Variants in ACSL1 observed in about 807,000 individuals in gnomAD.
ACSL1 encodes the protein long-chain-fatty-acid--CoA ligase 1.
ACSL1 carries 41 observed loss-of-function variants against 98.4 expected under a neutral mutation model. The ratio of observed to expected loss-of-function variants is 0.42; its 90% CI spans 0.32 to 0.54. The LOEUF is 0.54. Ranked by LOEUF, ACSL1 falls within the 20% of genes least tolerant of loss-of-function variation. The pLI is 0.13. For synonymous variants in ACSL1, 316 were observed against 322.7 expected (o/e 0.98, Z 0.22); for missense variants, 734 against 883.1 (o/e 0.83, Z 2.14).
At chr4:184,820,990 A>C in intron 1 of ACSL1, 1 of 455,988 alleles carries the variant, frequency 2.2e-6, no homozygotes, top group South Asian at 1.5e-5. Flanking sequence ...CCTAGGTTCA[A>C]ATTCTGGTAT....
Position 184,757,576 on chromosome 4 carries a change from A to T in ACSL1, c.1956+59T>A. The T allele has an allele frequency of 7.9e-6, 12 of 1,521,298 alleles. No homozygotes were observed. Among genetic ancestry groups the T allele is most frequent in the Non-Finnish European group, 1.1e-5 (12 of 1,111,850 alleles). 94.2% of individuals were successfully genotyped at this position (1,521,298 alleles called of 1,614,324 possible). A position where few individuals can be genotyped will look rare whatever the true frequency, so the allele number is the denominator to read the frequency against. ...ATATGTTTATATAATCTACCTGTAAAAAAATCTTAATGGAAAATTTGTTTT... is the reference window on the plus strand; with the variant it reads ...ATATGTTTATATAATCTACCTGTAATAAAATCTTAATGGAAAATTTGTTTT... On this transcript the variant is annotated intron_variant, in intron 20 of 20. Transcript: ENST00000281455. The surrounding 1 kb of genome is among the most constrained non-coding windows in gnomAD (Gnocchi z 4.5).
intron 4 of ACSL1, 87 bp from the exon 5 acceptor site, chr4:184,780,520 C>T: frequency 1.1e-6 from 1 of 924,928 alleles, no homozygotes; most frequent in Non-Finnish European, 1.7e-6. Context: ...GTATCTCAGC[C>T]AGCAAGCAAT....
rs537133145 is a variant in ACSL1, at chr4:184,770,595, T to C, written c.916-119A>G. 7 of 557,322 alleles carry C rather than the reference T, an allele frequency of 1.3e-5. No individual in the cohort carries two copies. The East Asian group carries it at 2.6e-4, about 21-fold the overall frequency. 34.5% of individuals were successfully genotyped at this position (557,322 alleles called of 1,614,324 possible). A position where few individuals can be genotyped will look rare whatever the true frequency, so the allele number is the denominator to read the frequency against. Reference sequence around the variant, plus strand: ...GGGGGAGGGATAGCATTAGGAGATATACCTAATGCTAAATGACAAGTTTAT... The same window carrying C: ...GGGGGAGGGATAGCATTAGGAGATACACCTAATGCTAAATGACAAGTTTAT... On this transcript the variant is annotated intron_variant, in intron 10 of 20. Coordinates refer to ENST00000281455, the MANE Select transcript of ACSL1 (RefSeq NM_001995.5).
rs1193308869 is a variant in ACSL1, at chr4:184,801,387, C to T, written c.195+1933G>A. Among the ~76,000 whole-genome samples, 6 of 152,246 alleles carry T rather than the reference C, an allele frequency of 3.9e-5. No individual in the cohort carries two copies. The South Asian group carries it at 8.3e-4, about 21-fold the overall frequency. On this transcript the variant is annotated intron_variant, in intron 2 of 20. Coordinates refer to ENST00000281455, the MANE Select transcript of ACSL1 (RefSeq NM_001995.5). ...TGGGGGTGCAGAATGAGGGTGGGAA[C>T]TGGCAAACCCTGCTTACTTGTTTTC...
chr4:184,782,230 G>A lies in ACSL1; in HGVS notation c.375+1697C>T, dbSNP rs116294233. Among the ~76,000 whole-genome samples the A allele has an allele frequency of 4.0e-3, 581 of 143,974 alleles. 3 individuals carry two copies. The highest frequency in any genetic ancestry group is 6.6e-3 in the Non-Finnish European group (444 of 67,038). The allele number at this position is 143,974 out of a possible 152,430, so 94.5% of individuals were successfully genotyped here. A position where few individuals can be genotyped will look rare whatever the true frequency, so the allele number is the denominator to read the frequency against. ...TGGTAAATATGATTGAATAATACAC[G>A]CACATTTATATTTCTAGATCGGTCA... On this transcript the variant is annotated intron_variant, in intron 4 of 20. Transcript: ENST00000281455.
chr4:184,798,192 A>C (rs1769793614), intron 2 of ACSL1: 1 of 152,222 alleles, frequency 6.6e-6, no homozygotes, highest in Admixed American at 6.5e-5. Flanking sequence ...CTAAACAGTG[A>C]ATCTGTGATA....
intron 5 of ACSL1, 116 bp from the exon 6 acceptor site, chr4:184,777,099 T>C: frequency 1.1e-6 from 1 of 885,926 alleles, no homozygotes; most frequent in Non-Finnish European, 1.8e-6. Flanking sequence ...AAAATTAACA[T>C]CTGTGTTAGC....
Position 184,781,554 on chromosome 4 carries a change from A to T in ACSL1, c.376-1121T>A, listed in dbSNP as rs1032690355. The stretch of plus-strand genomic sequence containing the variant: ...CTACCCCAAATAAACTAAAATTTTT[A>T]AAAAATCTTAAACTTTGCAGTTATT... On this transcript the variant is annotated intron_variant, in intron 4 of 20. Transcript: ENST00000281455. 6.6e-5 allele frequency among the ~76,000 whole-genome samples: 10 copies of T among 152,288 alleles called. No individual in the cohort carries two copies. In the East Asian group the frequency reaches 7.7e-4, roughly 12 times the overall value.
At chr4:184,795,567 T>G (rs537043723) in intron 2 of ACSL1, among the ~76,000 whole-genome samples, 1 of 152,344 alleles carries the variant, frequency 6.6e-6, no homozygotes, top group Admixed American at 6.5e-5. Context: ...AGGCACTTAA[T>G]ACTCCTGTGG....
rs1319018632 is a variant in ACSL1, at chr4:184,788,670, T to C, written c.257A>G (p.Tyr86Cys). Reference protein sequence around the residue: ...LDSDEPLVYFYDDVTTLYEGF... With the variant: ...LDSDEPLVYFCDDVTTLYEGF... ...TTCGTATAATGTTGTGACATCATCA[T>C]AGAAATACACCAAGGGCTCGTCGCT... The change falls in exon 3 of 21, where the codon TAT (tyrosine) becomes TGT (cysteine). Residue 86 changes from tyrosine to cysteine, a missense_variant. Coordinates refer to ENST00000281455, the MANE Select transcript of ACSL1 (RefSeq NM_001995.5). The C allele has an allele frequency of 1.9e-6, 3 of 1,614,166 alleles. No individual in the cohort carries two copies. Among genetic ancestry groups the C allele is most frequent in the South Asian group, 2.2e-5 (2 of 91,082 alleles).
Position 184,776,570 on chromosome 4 carries a change from T to G in ACSL1, c.670A>C (p.Ile224Leu), listed in dbSNP as rs1561195806. The change falls in exon 7 of 21, where the codon ATA becomes CTA. Residue 224 changes from isoleucine (I) to leucine (L), a missense_variant. By Grantham distance (5) the Ile-to-Leu change is conservative. Coordinates refer to ENST00000281455, the MANE Select transcript of ACSL1 (RefSeq NM_001995.5). ...CTGCCGTAGGCATCCATGACAACTA[T>G]GATTTTAAGGCCTGGTATTAACTTA... ...ENKLIPGLKI[I>L]VVMDAYGSEL... The G allele has an allele frequency of 6.2e-7, 1 of 1,614,208 alleles. No homozygotes were observed. Among genetic ancestry groups the G allele is most frequent in the Non-Finnish European group, 8.5e-7 (1 of 1,180,032 alleles).
At chr4:184,811,131 C>T (rs1230526298) in intron 1 of ACSL1, among the ~76,000 whole-genome samples, 2 of 152,016 alleles carry the variant, frequency 1.3e-5, no homozygotes, top group Non-Finnish European at 2.9e-5. Context: ...TTTTTTGAGA[C>T]AGAGTCTCAC....
In ACSL1 at chr4:184,773,632, T is replaced by C. The variant is rs1482887790; in HGVS notation, c.841+31A>G. On this transcript the variant is annotated intron_variant, in intron 9 of 20. Coordinates refer to ENST00000281455, the MANE Select transcript of ACSL1 (RefSeq NM_001995.5). This position sits in a 1 kb window ranked among gnomAD's most constrained non-coding sequence, Gnocchi z 4.3. ...GGAGAGTCCAGACCAATGGCTGCCA[T>C]ATGTAGAAGCAATTCTATCTCAAAA... 1 of 1,596,796 alleles carries C rather than the reference T, an allele frequency of 6.3e-7. No homozygotes were observed. The highest frequency in any genetic ancestry group is 1.8e-5 in the Admixed American group (1 of 56,622).
intron 15 of ACSL1, among the ~76,000 whole-genome samples, chr4:184,763,788 T>C (rs529579584): frequency 6.6e-6 from 1 of 152,364 alleles, no homozygotes; most frequent in African/African-American, 2.4e-5. Context: ...CTTAACTCTC[T>C]TGCCAAAGGC....
intron 1 of ACSL1, among the ~76,000 whole-genome samples, chr4:184,807,574 AGAT>A (rs1356598213): frequency 2.0e-5 from 3 of 152,218 alleles, no homozygotes; most frequent in African/African-American, 7.2e-5. Context: ...CCAGCACAGG[AGAT>A]TCCTTTAAAT....
At chr4:184,806,637 A>G (rs999933693) in intron 1 of ACSL1, among the ~76,000 whole-genome samples, 4 of 152,240 alleles carry the variant, frequency 2.6e-5, no homozygotes, top group Non-Finnish European at 5.9e-5. Flanking sequence ...GCCATGCTAT[A>G]GACTGCTTTA....
chr4:184,789,251 C>A (rs940978069), intron 2 of ACSL1, among the ~76,000 whole-genome samples: 1 of 152,174 alleles, frequency 6.6e-6, no homozygotes, highest in African/African-American at 2.4e-5. Context: ...TACAGACCTA[C>A]AAGTGCTGGT....
In ACSL1 at chr4:184,763,153, C is replaced by T. The variant is rs201800442; in HGVS notation, c.1521+14G>A. 26 of 1,611,086 alleles carry T rather than the reference C, an allele frequency of 1.6e-5. No homozygotes were observed. In the Admixed American group the frequency reaches 2.4e-4, roughly 15 times the overall value. ...AATGGCAGCGAGGGAAAATGACTGA[C>T]GGTTTTCACTCACCTCGCCCTCGCC... is the stretch of plus-strand genomic sequence containing the variant. On this transcript the variant is annotated intron_variant, in intron 16 of 20. Transcript: ENST00000281455.
chr4:184,818,564 G>A (rs1244025860), intron 1 of ACSL1, among the ~76,000 whole-genome samples: 1 of 152,090 alleles, frequency 6.6e-6, no homozygotes, highest in Non-Finnish European at 1.5e-5. Flanking sequence ...ACCTTCTATG[G>A]GACATCTGAC....
Sources: gnomAD v4.1 joint callset for allele counts (sites outside exome capture counted in the v4.1 genomes callset) on GRCh38, gnomAD v4.1.1 for gene constraint, Gnocchi (gnomAD v3.1) non-coding constraint, MANE v1.5 for transcripts, NCBI Gene and HGNC (gene_info 2026-07-23, HGNC 2026-07-21) for gene names.